PLAG1: variants seen among roughly 807,000 people sequenced by gnomAD.
The protein encoded by PLAG1 is zinc finger protein PLAG1.
In PLAG1, 7 loss-of-function variants were observed where a neutral mutation model predicts 35.5. That is an observed-to-expected ratio of 0.20 (90% CI 0.11 to 0.37). PLAG1 has a LOEUF of 0.37. Ranked by LOEUF, PLAG1 falls within the 10% of genes least tolerant of loss-of-function variation. PLAG1 has a pLI of 1.00. For synonymous variants in PLAG1, 229 were observed against 225.4 expected (o/e 1.02, Z -0.14); for missense variants, 454 against 602.8 (o/e 0.75, Z 2.58).
intron 1 of PLAG1, among the ~76,000 whole-genome samples, chr8:56,210,679 T>A (rs1283801716): frequency 2.6e-5 from 4 of 152,058 alleles, no homozygotes; most frequent in African/African-American, 9.7e-5. Context: ...AAACTGAATT[T>A]ATATTAATTT....
chr8:56,185,277 A>G (rs1401411617), intron 1 of PLAG1, among the ~76,000 whole-genome samples: 1 of 152,164 alleles, frequency 6.6e-6, no homozygotes, highest in East Asian at 1.9e-4. Context: ...TATGCTCACT[A>G]TGTTGACAAT....
At chr8:56,196,849 T>C (rs1372710074) in intron 1 of PLAG1, among the ~76,000 whole-genome samples, 2 of 151,966 alleles carry the variant, frequency 1.3e-5, no homozygotes, top group Non-Finnish European at 1.5e-5. Flanking sequence ...TCCAGATGCG[T>C]GGGGGTGTGC....
chr8:56,203,997 A>G (rs559672486), intron 1 of PLAG1, among the ~76,000 whole-genome samples: 1 of 151,996 alleles, frequency 6.6e-6, no homozygotes, highest in African/African-American at 2.4e-5. Flanking sequence ...GGTTATATTA[A>G]TATTTGTTTT....
chr8:56,189,222 C>A (rs984252171), intron 1 of PLAG1, among the ~76,000 whole-genome samples: 1 of 152,248 alleles, frequency 6.6e-6, no homozygotes, highest in African/African-American at 2.4e-5. Flanking sequence ...TATTTGCTCA[C>A]CTCTGTGAAT....
chr8:56,191,751 G>A (rs1563387776), intron 1 of PLAG1, among the ~76,000 whole-genome samples: 1 of 149,572 alleles, frequency 6.7e-6, no homozygotes, highest in Non-Finnish European at 1.5e-5. Context: ...AGAACCTGTG[G>A]TATTAACATA....
At chr8:56,207,176 T>C (rs1812723746) in intron 1 of PLAG1, among the ~76,000 whole-genome samples, 1 of 151,960 alleles carries the variant, frequency 6.6e-6, no homozygotes, top group African/African-American at 2.4e-5. Context: ...AAAATTATTT[T>C]GACTACACAG....
chr8:56,183,370 ATGCATGT>A (rs1357550780), intron 1 of PLAG1, among the ~76,000 whole-genome samples: 3 of 152,232 alleles, frequency 2.0e-5, no homozygotes, highest in African/African-American at 7.2e-5. Flanking sequence ...GAAGTGTGAT[ATGCATGT>A]GACAGAACAG....
Position 56,165,425 on chromosome 8 carries a change from T to C in PLAG1, c.*818A>G. The C allele has an allele frequency of 4.6e-6, 1 of 217,378 alleles. No homozygotes were observed. The highest frequency in any genetic ancestry group is 5.8e-5 in the Admixed American group (1 of 17,272). 13.5% of individuals were successfully genotyped at this position (217,378 alleles called of 1,614,324 possible). ...AAAGGTGGAAAAGACTAAAGAGATC[T>C]ACCTATATATCGACTCTGAAGACCC... On this transcript the variant is annotated 3_prime_UTR_variant, in exon 5 of 5. Coordinates refer to ENST00000316981, the MANE Select transcript of PLAG1 (RefSeq NM_002655.3).
chr8:56,169,215 G>C (rs1168784076), intron 3 of PLAG1, among the ~76,000 whole-genome samples: 1 of 152,108 alleles, frequency 6.6e-6, no homozygotes, highest in Non-Finnish European at 1.5e-5. Flanking sequence ...GAGGGCATTG[G>C]CCTTTGGACA....
chr8:56,201,004 A>G (rs1812532181), intron 1 of PLAG1, among the ~76,000 whole-genome samples: 1 of 152,248 alleles, frequency 6.6e-6, no homozygotes, highest in Non-Finnish European at 1.5e-5. Flanking sequence ...AATAAATTTA[A>G]GGAATATTTA....
chr8:56,169,463 C>T (rs1395244696), intron 3 of PLAG1, among the ~76,000 whole-genome samples: 2 of 152,078 alleles, frequency 1.3e-5, no homozygotes, highest in Non-Finnish European at 2.9e-5. Context: ...TAAATATTAT[C>T]GACTCTGTTT....
At chr8:56,180,051 GATT>G (rs1401131433) in intron 1 of PLAG1, among the ~76,000 whole-genome samples, 1 of 152,156 alleles carries the variant, frequency 6.6e-6, no homozygotes, top group African/African-American at 2.4e-5. Flanking sequence ...TTTATGATGC[GATT>G]ATTGCTTGTT....
intron 2 of PLAG1, among the ~76,000 whole-genome samples, chr8:56,176,272 C>T (rs544011267): frequency 6.6e-6 from 1 of 151,888 alleles, no homozygotes; most frequent in Non-Finnish European, 1.5e-5. Context: ...AGGCTGGTCT[C>T]GAACTGCTGG....
Position 56,164,354 on chromosome 8 carries a change from G to A in PLAG1, c.*1889C>T, listed in dbSNP as rs1474686051. The A allele has an allele frequency of 4.6e-6, 1 of 217,392 alleles. No individual in the cohort carries two copies. Among genetic ancestry groups the A allele is most frequent in the Non-Finnish European group, 9.3e-6 (1 of 107,948 alleles). The allele number at this position is 217,392 out of a possible 1,614,324, so 13.5% of individuals were successfully genotyped here. ...TGTGTGTGTATTATATATATATATT[G>A]AAGCCCCCATTTACATTATTACAAT... On this transcript the variant is annotated 3_prime_UTR_variant, in exon 5 of 5. Coordinates refer to ENST00000316981, the MANE Select transcript of PLAG1 (RefSeq NM_002655.3).
At chr8:56,176,892 T>C (rs1811712496) in intron 2 of PLAG1, among the ~76,000 whole-genome samples, 2 of 152,190 alleles carry the variant, frequency 1.3e-5, no homozygotes, top group African/African-American at 4.8e-5. Flanking sequence ...CTAGAGAACA[T>C]GCCTCCATTC....
chr8:56,177,911 G>A (rs956534082), intron 2 of PLAG1: 1 of 234,284 alleles, frequency 4.3e-6, no homozygotes, highest in East Asian at 1.8e-4. Flanking sequence ...CCCCAGGAGA[G>A]GCGTCACCTG....
At chr8:56,200,668 C>T (rs141100553) in intron 1 of PLAG1, among the ~76,000 whole-genome samples, 53 of 152,308 alleles carry the variant, frequency 3.5e-4, no homozygotes, top group African/African-American at 1.2e-3. Flanking sequence ...GCAAACCATC[C>T]TCTCCAGTCA....
At chr8:56,171,850 G>C (rs1051769714) in intron 2 of PLAG1, among the ~76,000 whole-genome samples, 4 of 152,216 alleles carry the variant, frequency 2.6e-5, no homozygotes, top group African/African-American at 7.2e-5. Context: ...TTTGGTTTAA[G>C]AGGTCATTGT....
chr8:56,201,846 A>C (rs1261168776), intron 1 of PLAG1, among the ~76,000 whole-genome samples: 1 of 152,162 alleles, frequency 6.6e-6, no homozygotes, highest in Non-Finnish European at 1.5e-5. Flanking sequence ...TAGCATTAAT[A>C]CTCAAAATAT....
Sources: allele counts gnomAD v4.1 joint callset (sites outside exome capture counted in the v4.1 genomes callset), GRCh38; gene constraint gnomAD v4.1.1; transcripts MANE v1.5; gene names NCBI Gene and HGNC (gene_info 2026-07-23, HGNC 2026-07-21).